Variants in LOC112694756 observed in about 807,000 individuals in gnomAD.
chr16:30,069,817 C>A, the LOC112694756 span: 1 of 1,614,096 alleles, frequency 6.2e-7, no homozygotes, highest in South Asian at 1.1e-5. Context: ...CTCGCCTCAC[C>A]CCTGCTCTAC....
the LOC112694756 span, among the ~76,000 whole-genome samples, chr16:30,061,548 CTTTTTTT>C: frequency 1.7e-4 from 11 of 65,620 alleles, no homozygotes; most frequent in African/African-American, 3.2e-4. Flanking sequence ...CCTCCATTTC[CTTTTTTT>C]TTTTTTTTTT....
the LOC112694756 span, chr16:30,064,783 A>T: frequency 7.8e-5 from 11 of 140,792 alleles, no homozygotes; most frequent in East Asian, 2.3e-4. Flanking sequence ...GCCTCGCCGC[A>T]GGTGGGCCCC....
the LOC112694756 span, among the ~76,000 whole-genome samples, chr16:30,062,461 G>T: frequency 1.3e-5 from 2 of 151,086 alleles, no homozygotes; most frequent in African/African-American, 4.9e-5. Flanking sequence ...GAACCCAGGA[G>T]GCGGAGGTTG....
chr16:30,066,589 C>T, the LOC112694756 span, among the ~76,000 whole-genome samples: 1 of 152,190 alleles, frequency 6.6e-6, no homozygotes, highest in Non-Finnish European at 1.5e-5. Flanking sequence ...TTATATTTTT[C>T]CTAATGCCCC....
chr16:30,064,251 G>A, the LOC112694756 span: 5 of 394,684 alleles, frequency 1.3e-5, no homozygotes, highest in Admixed American at 2.2e-4. Context: ...TTTAGGAGGT[G>A]AGTGTAGTGC....
chr16:30,067,933 C>T, the LOC112694756 span: 3 of 525,012 alleles, frequency 5.7e-6, no homozygotes, highest in South Asian at 6.3e-5. Flanking sequence ...ACCCAATTCA[C>T]TCAACATTTC....
chr16:30,070,300 C>T, the LOC112694756 span: 6 of 1,329,584 alleles, frequency 4.5e-6, no homozygotes, highest in Non-Finnish European at 6.5e-6. Flanking sequence ...GGGCTCCAGG[C>T]TGGCTTGCCC....
the LOC112694756 span, among the ~76,000 whole-genome samples, chr16:30,057,514 G>A: frequency 3.9e-5 from 6 of 152,170 alleles, no homozygotes; most frequent in African/African-American, 1.2e-4. Flanking sequence ...TGAGCTCAGC[G>A]ATTCAGACAG....
chr16:30,058,937 G>T, the LOC112694756 span: 2 of 398,430 alleles, frequency 5.0e-6, no homozygotes, highest in East Asian at 3.6e-5. Flanking sequence ...CCCCAGCCTC[G>T]CAGGGCTTCC....
chr16:30,059,205 G>A, the LOC112694756 span, among the ~76,000 whole-genome samples: 1 of 152,128 alleles, frequency 6.6e-6, no homozygotes, highest in African/African-American at 2.4e-5. Flanking sequence ...GATAAGAATA[G>A]CTCTCTTTCA....
At chr16:30,059,146 T>C in the LOC112694756 span, 1 of 395,362 alleles carries the variant, frequency 2.5e-6, no homozygotes, top group Non-Finnish European at 4.5e-6. Flanking sequence ...AGTTCTCATA[T>C]GATTCTGATG....
chr16:30,069,402 C>T, the LOC112694756 span: 4 of 1,614,158 alleles, frequency 2.5e-6, no homozygotes, highest in Non-Finnish European at 2.5e-6. Context: ...AAATGGCTAC[C>T]TGCCTGACCA....
the LOC112694756 span, among the ~76,000 whole-genome samples, chr16:30,062,941 C>T: frequency 3.3e-5 from 5 of 151,828 alleles, no homozygotes; most frequent in South Asian, 2.1e-4. Context: ...CCAGGAGTTC[C>T]GAGACCAGCC....
the LOC112694756 span, chr16:30,069,664 G>A: frequency 8.1e-6 from 13 of 1,613,300 alleles, no homozygotes; most frequent in East Asian, 2.2e-5. Context: ...AGTGCCCCCC[G>A]CTGTCACTGG....
chr16:30,061,314 T>C, the LOC112694756 span, among the ~76,000 whole-genome samples: 1 of 152,220 alleles, frequency 6.6e-6, no homozygotes, highest in Non-Finnish European at 1.5e-5. Flanking sequence ...GCAAATGATA[T>C]GCTTAGATTC....
At chr16:30,057,272 C>T in the LOC112694756 span, among the ~76,000 whole-genome samples, 6 of 152,060 alleles carry the variant, frequency 3.9e-5, no homozygotes, top group Non-Finnish European at 8.8e-5. Context: ...TATGTGTAGA[C>T]ACATAAGGGT....
the LOC112694756 span, chr16:30,069,413 G>C: frequency 6.2e-7 from 1 of 1,614,088 alleles, no homozygotes; most frequent in Non-Finnish European, 8.5e-7. Context: ...TGCCTGACCA[G>C]TGCAAGGTGG....
chr16:30,067,555 G>C, the LOC112694756 span: 1 of 1,613,948 alleles, frequency 6.2e-7, no homozygotes, highest in Non-Finnish European at 8.5e-7. Context: ...GTGAACCCCT[G>C]CATTGGGGGT....
At chr16:30,061,146 G>T in the LOC112694756 span, among the ~76,000 whole-genome samples, 1 of 152,372 alleles carries the variant, frequency 6.6e-6, no homozygotes, top group East Asian at 1.9e-4. Flanking sequence ...TAAGGCAGTT[G>T]CGGGTCATCC....
Sources: allele counts gnomAD v4.1 joint callset (sites outside exome capture counted in the v4.1 genomes callset), GRCh38; gene constraint gnomAD v4.1.1; transcripts MANE v1.5.